F8: variants seen among roughly 807,000 people sequenced by gnomAD.
F8 encodes the protein antihemophilic factor.
Under a neutral mutation model 140.6 loss-of-function variants are expected in F8, and 12 were observed. The ratio of observed to expected loss-of-function variants is 0.09; its 90% CI spans 0.05 to 0.14. The LOEUF is 0.14. Among genes scored for constraint, F8 ranks in the 10% least tolerant of loss-of-function variants. The pLI is 1.00. For synonymous variants in F8, 585 were observed against 614.6 expected, an observed-to-expected ratio of 0.95 and a Z score of 0.71; for missense variants, 1,354 against 1,720.7, an observed-to-expected ratio of 0.79 and a Z score of 3.77.
At chrX:154,922,427 C>G (rs2073137110) in intron 14 of F8, among the ~76,000 whole-genome samples, 1 of 112,283 alleles carries the variant, frequency 8.9e-6, no homozygotes, top group Admixed American at 9.4e-5. Flanking sequence ...AGGCACTGTT[C>G]AAAGTTCTGG....
chrX:154,966,542 A>G lies in F8; in HGVS notation c.1155T>C (p.Pro385=), dbSNP rs2124106074. Residue 385 remains proline, a synonymous_variant, in exon 8 of 26, where the codon CCT becomes CCC. Transcript: ENST00000360256. ...DVVRFDDDNS[P]SFIQIRSVAK... Reference sequence around the variant, plus strand: ...CAACTGAGCGAATTTGGATAAAGGAAGGAGAGTTGTCATCATCAAACCTGA... The same window carrying G: ...CAACTGAGCGAATTTGGATAAAGGAGGGAGAGTTGTCATCATCAAACCTGA... 1 of 1,211,828 alleles carries G rather than the reference A, an allele frequency of 8.3e-7. No individual in the cohort carries two copies. The highest frequency in any genetic ancestry group is 1.1e-6 in the Non-Finnish European group (1 of 895,497).
At chrX:154,939,665 T>C (rs1161142150) in intron 13 of F8, among the ~76,000 whole-genome samples, 1 of 110,974 alleles carries the variant, frequency 9.0e-6, no homozygotes, top group Non-Finnish European at 1.9e-5. Context: ...TTGAAGAGAG[T>C]AGTGGTTCTC....
At chrX:154,944,556 T>G (rs1481693352) in intron 13 of F8, among the ~76,000 whole-genome samples, 4 of 111,014 alleles carry the variant, frequency 3.6e-5, no homozygotes, top group African/African-American at 1.3e-4. Context: ...ATAGGAACAC[T>G]TTTACAATGT....
chrX:154,935,333 C>T (rs1320465003), intron 13 of F8, among the ~76,000 whole-genome samples: 2 of 111,842 alleles, frequency 1.8e-5, no homozygotes, highest in African/African-American at 6.5e-5. Flanking sequence ...TTATAGAAGA[C>T]GTATGGGTCA....
chrX:155,001,786 C>T (rs2073647830), intron 1 of F8, among the ~76,000 whole-genome samples: 1 of 110,403 alleles, frequency 9.1e-6, no homozygotes, highest in Non-Finnish European at 1.9e-5. Flanking sequence ...GTGGTGTGCA[C>T]CTGTGGTCTT....
intron 22 of F8, among the ~76,000 whole-genome samples, chrX:154,866,434 A>AT (rs1400900213): frequency 1.8e-5 from 2 of 112,204 alleles, no homozygotes; most frequent in Non-Finnish European, 3.8e-5. Context: ...CAACAGTAGA[A>AT]TTATCAAGCA....
intron 1 of F8, among the ~76,000 whole-genome samples, chrX:155,000,866 T>C (rs2073642596): frequency 9.0e-6 from 1 of 111,404 alleles, no homozygotes; most frequent in Non-Finnish European, 1.9e-5. Flanking sequence ...GGCGGACCAC[T>C]GAAGAAAGAA....
intron 6 of F8, among the ~76,000 whole-genome samples, chrX:154,972,707 CTTTTTTTTTTTTTTTTT>C (rs1184930129): frequency 7.2e-5 from 4 of 55,268 alleles, no homozygotes; most frequent in African/African-American, 2.7e-4. Context: ...TTCTGTCTTT[CTTTTTTTTTTTTTTTTT>C]TTTTTTTTTG....
At chrX:154,964,745 A>G (rs1402440850) in intron 9 of F8, among the ~76,000 whole-genome samples, 1 of 111,469 alleles carries the variant, frequency 9.0e-6, no homozygotes, top group Admixed American at 9.6e-5. Flanking sequence ...CTATTTTTGT[A>G]GTGTCTTGGG....
chrX:154,934,157 A>G (rs1392941909), intron 13 of F8, among the ~76,000 whole-genome samples: 4 of 112,190 alleles, frequency 3.6e-5, no homozygotes, highest in African/African-American at 9.7e-5. Flanking sequence ...GCTGGAAGAT[A>G]TCTGAAGCCA....
chrX:154,987,189 C>T, intron 5 of F8, 48 bp downstream of exon 5: 1 of 946,026 alleles, frequency 1.1e-6, no homozygotes, highest in Non-Finnish European at 1.5e-6. Flanking sequence ...TTAATAGTAG[C>T]AGAGGATTTC....
chrX:154,871,570 G>A (rs917139062), intron 22 of F8, among the ~76,000 whole-genome samples: 3 of 111,984 alleles, frequency 2.7e-5, no homozygotes, highest in Non-Finnish European at 3.8e-5. Context: ...ATACTTAAAC[G>A]TAAGACCTAG....
intron 14 of F8, among the ~76,000 whole-genome samples, chrX:154,926,671 C>T (rs144755020): frequency 5.4e-5 from 6 of 111,839 alleles, no homozygotes; most frequent in African/African-American, 2.0e-4. Flanking sequence ...CCACCATGCC[C>T]GGCCAGGAAT....
In F8 at chrX:154,930,908, T is replaced by G. The variant is rs1256112992; in HGVS notation, c.2882A>C (p.Asn961Thr). 8.3e-7 allele frequency: 1 copy of G among 1,199,343 alleles called. No individual in the cohort carries two copies. The highest frequency in any genetic ancestry group is 1.1e-6 in the Non-Finnish European group (1 of 891,045). The change falls in exon 14 of 26, where the codon AAT becomes ACT. Residue 961 changes from asparagine (N) to threonine (T), a missense_variant. Transcript: ENST00000360256. ...TGATTCTAACAACTTTGAATCATTA[T>G]TTTCTTCACTCAAGCTCAGAGGTCC... is the stretch of plus-strand genomic sequence containing the variant. ...SGGPLSLSEE[N>T]NDSKLLESGL...
intron 25 of F8, among the ~76,000 whole-genome samples, chrX:154,842,950 A>G (rs2072532595): frequency 9.1e-6 from 1 of 110,482 alleles, no homozygotes; most frequent in East Asian, 2.8e-4. Context: ...TCCCCTGTCC[A>G]CCCACCCCAT....
intron 22 of F8, among the ~76,000 whole-genome samples, chrX:154,895,152 T>C (rs1173450715): frequency 8.9e-6 from 1 of 111,958 alleles, no homozygotes; most frequent in Non-Finnish European, 1.9e-5. Flanking sequence ...AGAATAAATA[T>C]GCCAATCTTT....
chrX:154,901,226 AGAG>A (rs2073007978), intron 20 of F8, 142 bp downstream of exon 20: 2 of 501,140 alleles, frequency 4.0e-6, no homozygotes, highest in East Asian at 3.7e-5. Flanking sequence ...TGGGAAGTGG[AGAG>A]GAGGAGATGT....
chrX:154,937,685 A>G (rs2073232060), intron 13 of F8, among the ~76,000 whole-genome samples: 2 of 111,510 alleles, frequency 1.8e-5, no homozygotes, highest in Admixed American at 9.6e-5. Context: ...AAAATATTAT[A>G]ATAGCATTAA....
intron 25 of F8, among the ~76,000 whole-genome samples, chrX:154,857,389 G>T (rs150781564): frequency 8.9e-6 from 1 of 111,943 alleles, no homozygotes; most frequent in African/African-American, 3.2e-5. Flanking sequence ...TGTCCATGGT[G>T]CCTGTTTCTG....
Sources: allele counts gnomAD v4.1 joint callset (sites outside exome capture counted in the v4.1 genomes callset), GRCh38; gene constraint gnomAD v4.1.1; transcripts MANE v1.5; gene names NCBI Gene and HGNC (gene_info 2026-07-23, HGNC 2026-07-21).